Variants in NTM observed in about 807,000 individuals in gnomAD.
The protein encoded by NTM is neurotrimin.
A neutral mutation model predicts 42.1 loss-of-function variants in NTM; 13 were observed. The ratio of observed to expected loss-of-function variants is 0.31; its 90% CI spans 0.20 to 0.49. NTM has a LOEUF of 0.49. Ranked by LOEUF, NTM falls within the 20% of genes least tolerant of loss-of-function variation. The pLI, the probability that NTM is intolerant of heterozygous loss-of-function variation, is 0.99. For missense variants in NTM, 373 were observed against 452.8 expected (o/e 0.82, Z 1.60); for synonymous variants, 187 against 179.2 (o/e 1.04, Z -0.35).
intron 1 of NTM, among the ~76,000 whole-genome samples, chr11:131,526,905 A>T (rs1241175725): frequency 6.6e-6 from 1 of 152,278 alleles, no homozygotes; most frequent in Non-Finnish European, 1.5e-5. Context: ...ACAAATGGAA[A>T]GACCCTTCGA....
chr11:131,882,258 C>T lies in NTM; in HGVS notation c.83-29306C>T, dbSNP rs569670838. On this transcript the variant is annotated intron_variant, in intron 1 of 8. Transcript: ENST00000683400. ...AACTAGTTAATGGAATTACAGAGAC[C>T]GGCAAGTTCAAAATCTACAAGATGG... 4.2e-4 allele frequency among the ~76,000 whole-genome samples: 64 copies of T among 152,122 alleles called. 1 individual carries two copies. Among genetic ancestry groups the T allele is most frequent in the Non-Finnish European group, 6.9e-4 (47 of 68,034 alleles).
chr11:131,700,376 T>C (rs917964364), intron 1 of NTM, among the ~76,000 whole-genome samples: 1 of 152,196 alleles, frequency 6.6e-6, no homozygotes, highest in Non-Finnish European at 1.5e-5. Flanking sequence ...CATTCCACAC[T>C]TTGTCTCTAA....
intron 1 of NTM, among the ~76,000 whole-genome samples, chr11:131,663,983 G>T (rs1592429119): frequency 6.6e-6 from 1 of 152,182 alleles, no homozygotes; most frequent in African/African-American, 2.4e-5. Context: ...ACTGCTTTGG[G>T]ATGAAAATTC....
intron 1 of NTM, among the ~76,000 whole-genome samples, chr11:131,447,016 T>G (rs1950112106): frequency 7.1e-6 from 1 of 140,236 alleles, no homozygotes; most frequent in African/African-American, 2.7e-5. Context: ...ATGACTGTGT[T>G]AAGACACACC....
At chr11:131,499,250 C>A (rs187200370) in intron 1 of NTM, among the ~76,000 whole-genome samples, 9 of 152,266 alleles carry the variant, frequency 5.9e-5, no homozygotes, top group African/African-American at 1.7e-4. Flanking sequence ...GCAGTAGGTT[C>A]AAATACTATC....
At chr11:132,279,188 C>T (rs764844725) in intron 4 of NTM, among the ~76,000 whole-genome samples, 7 of 152,136 alleles carry the variant, frequency 4.6e-5, no homozygotes, top group Non-Finnish European at 8.8e-5. Flanking sequence ...CAATTAATAT[C>T]CAAGTCCCAT....
chr11:132,004,189 G>A (rs756715714), intron 2 of NTM, among the ~76,000 whole-genome samples: 3 of 152,088 alleles, frequency 2.0e-5, no homozygotes, highest in Non-Finnish European at 4.4e-5. Context: ...GGTGGCAAAA[G>A]GTAACTTAGG....
At chr11:131,495,830 T>C (rs898980698) in intron 1 of NTM, among the ~76,000 whole-genome samples, 2 of 152,212 alleles carry the variant, frequency 1.3e-5, no homozygotes, top group African/African-American at 2.4e-5. Flanking sequence ...CCTAACTGAT[T>C]GCTTCCGCAG....
At chr11:131,916,828 TG>T in intron 2 of NTM, among the ~76,000 whole-genome samples, 1 of 152,326 alleles carries the variant, frequency 6.6e-6, no homozygotes, top group Admixed American at 6.5e-5. Flanking sequence ...CTCACTCTGT[TG>T]TGGACACCCA....
intron 1 of NTM, among the ~76,000 whole-genome samples, chr11:131,805,666 CTTCT>C (rs1394985207): frequency 6.6e-6 from 1 of 152,130 alleles, no homozygotes; most frequent in East Asian, 1.9e-4. Flanking sequence ...CATGTTCTTT[CTTCT>C]TTAAGAGACT....
At chr11:131,386,655 G>T (rs546556151) in intron 1 of NTM, among the ~76,000 whole-genome samples, 6 of 152,296 alleles carry the variant, frequency 3.9e-5, no homozygotes, top group Admixed American at 2.6e-4. Flanking sequence ...CTATGTCCAG[G>T]TCCACATGTT....
chr11:131,401,601 T>C (rs1445243864), intron 1 of NTM, among the ~76,000 whole-genome samples: 1 of 151,410 alleles, frequency 6.6e-6, no homozygotes, highest in Non-Finnish European at 1.5e-5. Context: ...CTGTCTTCCA[T>C]TGGATATCCT....
At chr11:131,589,937 A>G (rs2458788) in intron 1 of NTM, among the ~76,000 whole-genome samples, 15,569 of 152,134 alleles carry the variant, frequency 0.1, 2,046 homozygotes, top group African/African-American at 0.31. Flanking sequence ...CTAAAACCCA[A>G]CAAAGCAGCA....
At position 131,455,545 on chromosome 11, in the gene NTM, T is replaced by C. The variant is rs187724186; in HGVS notation, c.82+84657T>C. The C allele has an allele frequency of 9.8e-5, 15 of 152,342 alleles. 1 individual carries two copies. Among genetic ancestry groups the C allele is most frequent in the Admixed American group, 9.8e-4 (15 of 15,294 alleles). 9.4% of individuals were successfully genotyped at this position (152,342 alleles called of 1,614,324 possible). On this transcript the variant is annotated intron_variant, in intron 1 of 8. Coordinates refer to ENST00000683400, the MANE Select transcript of NTM (RefSeq NM_001352005.2). The stretch of plus-strand genomic sequence containing the variant: ...AGGTAGGGGGAGAGGCTGAGAAGAA[T>C]GGAGGGAGGGTCTCGAAAAGCTTAG...
chr11:131,884,793 A>C (rs2050127312), intron 1 of NTM, among the ~76,000 whole-genome samples: 1 of 152,232 alleles, frequency 6.6e-6, no homozygotes, highest in African/African-American at 2.4e-5. Flanking sequence ...TCCTGGGACA[A>C]AACACTTCTG....
chr11:131,762,961 C>T (rs752286769), intron 1 of NTM, among the ~76,000 whole-genome samples: 1 of 152,186 alleles, frequency 6.6e-6, no homozygotes, highest in African/African-American at 2.4e-5. Context: ...CCGGGAATGT[C>T]GCATCATGCC....
At chr11:131,954,604 A>C (rs977149733) in intron 2 of NTM, among the ~76,000 whole-genome samples, 19 of 150,812 alleles carry the variant, frequency 1.3e-4, no homozygotes, top group Non-Finnish European at 2.2e-4. Flanking sequence ...CACAAAGTGT[A>C]CACTCAATCA....
chr11:131,529,099 C>G (rs528394392), intron 1 of NTM, among the ~76,000 whole-genome samples: 120 of 152,272 alleles, frequency 7.9e-4, no homozygotes, highest in African/African-American at 2.9e-3. Flanking sequence ...TTGTTTTCCT[C>G]TTTAGAGAAG....
At chr11:131,776,842 A>T (rs1455286440) in intron 1 of NTM, among the ~76,000 whole-genome samples, 1 of 152,190 alleles carries the variant, frequency 6.6e-6, no homozygotes, top group Non-Finnish European at 1.5e-5. Flanking sequence ...CTCAGCATCC[A>T]GCCAGCCAAA....
Sources: gnomAD v4.1 joint callset for allele counts (sites outside exome capture counted in the v4.1 genomes callset) on GRCh38, gnomAD v4.1.1 for gene constraint, MANE v1.5 for transcripts, NCBI Gene and HGNC (gene_info 2026-07-23, HGNC 2026-07-21) for gene names.